The following CNTN4 variants were observed in gnomAD, a reference collection of about 807,000 sequenced individuals.
The protein encoded by CNTN4 is contactin-4.
CNTN4 carries 77 observed loss-of-function variants against 122.5 expected under a neutral mutation model. The ratio of observed to expected loss-of-function variants is 0.63; its 90% CI spans 0.52 to 0.76. The LOEUF is 0.76. Ranked by LOEUF, CNTN4 falls within the 30% of genes least tolerant of loss-of-function variation. The probability of loss-of-function intolerance (pLI) is 0.00; values close to 1 mark genes in which losing one functional copy is unlikely to be tolerated. For synonymous variants in CNTN4, 512 were observed against 447.0 expected, an observed-to-expected ratio of 1.15 and a Z score of -1.83; for missense variants, 1,256 against 1,259.1, an observed-to-expected ratio of 1.00 and a Z score of 0.04.
At chr3:2,764,488 G>C (rs1195617051) in intron 6 of CNTN4, among the ~76,000 whole-genome samples, 1 of 152,212 alleles carries the variant, frequency 6.6e-6, no homozygotes, top group Non-Finnish European at 1.5e-5. Flanking sequence ...GGAGGGCACA[G>C]AGCAAGGCTG....
At chr3:2,932,975 A>T (rs892020795) in intron 13 of CNTN4, among the ~76,000 whole-genome samples, 1 of 151,846 alleles carries the variant, frequency 6.6e-6, no homozygotes, top group Non-Finnish European at 1.5e-5. Context: ...GGCACCCACC[A>T]CTATGCCCGG....
chr3:2,258,364 C>T (rs768789674), intron 2 of CNTN4, among the ~76,000 whole-genome samples: 2 of 152,156 alleles, frequency 1.3e-5, no homozygotes, highest in Non-Finnish European at 2.9e-5. Context: ...CAGTGATAGA[C>T]TGGGCTTTCT....
intron 3 of CNTN4, among the ~76,000 whole-genome samples, chr3:2,466,871 A>G (rs944765851): frequency 6.6e-6 from 1 of 152,120 alleles, no homozygotes; most frequent in African/African-American, 2.4e-5. Flanking sequence ...TAATCATTGT[A>G]GAAAGTAGAG....
intron 14 of CNTN4, among the ~76,000 whole-genome samples, chr3:3,014,127 C>T (rs1474986738): frequency 6.6e-6 from 1 of 151,828 alleles, no homozygotes; most frequent in African/African-American, 2.4e-5. Flanking sequence ...GAAACTAACA[C>T]GTTTGTGGAA....
At chr3:2,380,911 A>G (rs893040853) in intron 3 of CNTN4, among the ~76,000 whole-genome samples, 6 of 151,448 alleles carry the variant, frequency 4.0e-5, no homozygotes, top group Non-Finnish European at 8.8e-5. Flanking sequence ...GTGTTTTTCT[A>G]TTTTCTGAAT....
intron 14 of CNTN4, among the ~76,000 whole-genome samples, chr3:3,023,733 G>A (rs1166329054): frequency 2.0e-5 from 3 of 152,120 alleles, no homozygotes; most frequent in African/African-American, 2.4e-5. Flanking sequence ...TACCTGACAC[G>A]TGCAGTGAAG....
At chr3:2,225,343 T>C (rs2039239193) in intron 2 of CNTN4, among the ~76,000 whole-genome samples, 1 of 150,946 alleles carries the variant, frequency 6.6e-6, no homozygotes, top group South Asian at 2.1e-4. Flanking sequence ...TGAAACCCCC[T>C]CTCTACTAAA....
At chr3:2,965,578 G>T (rs1577429183) in intron 13 of CNTN4, among the ~76,000 whole-genome samples, 1 of 152,156 alleles carries the variant, frequency 6.6e-6, no homozygotes, top group African/African-American at 2.4e-5. Context: ...GAACTTTTCT[G>T]CCTGGTTTCC....
At position 2,970,438 on chromosome 3, in the gene CNTN4, G is replaced by A. The variant is rs112019957; in HGVS notation, c.1359-17907G>A. Among the ~76,000 whole-genome samples, 742 of 150,946 alleles carry A rather than the reference G, an allele frequency of 4.9e-3. 3 individuals carry two copies. Among genetic ancestry groups the A allele is most frequent in the Non-Finnish European group, 7.7e-3 (521 of 67,578 alleles). ...ACTAGAATGCCTTAATGATAACACA[G>A]TTTATAAACACTTTTTTTTTTAATT... On this transcript the variant is annotated intron_variant, in intron 13 of 24. Transcript: ENST00000418658.
intron 13 of CNTN4, among the ~76,000 whole-genome samples, chr3:2,963,143 C>T (rs1391830241): frequency 6.6e-6 from 1 of 152,166 alleles, no homozygotes; most frequent in African/African-American, 2.4e-5. Context: ...AATTAATTTT[C>T]TCACCGTTTC....
intron 2 of CNTN4, among the ~76,000 whole-genome samples, chr3:2,324,597 C>T (rs996677273): frequency 6.6e-6 from 1 of 152,086 alleles, no homozygotes; most frequent in South Asian, 2.1e-4. Flanking sequence ...CTTTGTGTCC[C>T]AGATCTGTTT....
chr3:2,549,119 C>G (rs1386691881), intron 3 of CNTN4, among the ~76,000 whole-genome samples: 2 of 138,036 alleles, frequency 1.4e-5, no homozygotes, highest in Non-Finnish European at 3.4e-5. Context: ...GTCGGGTTTT[C>G]TAAATATACA....
At chr3:2,395,432 C>G (rs2046606144) in intron 3 of CNTN4, among the ~76,000 whole-genome samples, 1 of 152,110 alleles carries the variant, frequency 6.6e-6, no homozygotes, top group East Asian at 1.9e-4. Context: ...ATGGATTGAA[C>G]TATATACTTT....
chr3:2,995,213 A>G (rs1412474899), intron 14 of CNTN4, among the ~76,000 whole-genome samples: 1 of 152,076 alleles, frequency 6.6e-6, no homozygotes, highest in Non-Finnish European at 1.5e-5. Flanking sequence ...AAAGAAGGGT[A>G]GGTAATTGTG....
intron 6 of CNTN4, among the ~76,000 whole-genome samples, chr3:2,772,894 AAG>A (rs1366044099): frequency 6.6e-6 from 1 of 152,196 alleles, no homozygotes; most frequent in Admixed American, 6.5e-5. Context: ...AAAAGAGACT[AAG>A]AGGGAGGAAG....
chr3:3,056,098 T>G (rs865855323), intron 24 of CNTN4, 22 bp from the exon 25 acceptor site: 3 of 1,603,616 alleles, frequency 1.9e-6, no homozygotes, highest in Middle Eastern at 1.7e-4. Flanking sequence ...CTGTTTTGAG[T>G]GAATTTGTTC....
chr3:2,930,542 G>A (rs1405506286), intron 13 of CNTN4, among the ~76,000 whole-genome samples: 1 of 152,172 alleles, frequency 6.6e-6, no homozygotes, highest in Non-Finnish European at 1.5e-5. Flanking sequence ...AGTAAATAAA[G>A]TCTTCTTATT....
At chr3:2,399,114 A>G (rs542732114) in intron 3 of CNTN4, among the ~76,000 whole-genome samples, 53 of 152,088 alleles carry the variant, frequency 3.5e-4, no homozygotes, top group Non-Finnish European at 6.2e-4. Flanking sequence ...AAAAGAAAGA[A>G]AAGAGAAAAA....
chr3:2,743,100 C>A (rs930052329), intron 5 of CNTN4, among the ~76,000 whole-genome samples: 1 of 152,174 alleles, frequency 6.6e-6, no homozygotes, highest in African/African-American at 2.4e-5. Context: ...ATTATGCCCA[C>A]AACCACTTTT....
Sources: allele counts gnomAD v4.1 joint callset (sites outside exome capture counted in the v4.1 genomes callset), GRCh38; gene constraint gnomAD v4.1.1; transcripts MANE v1.5; gene names NCBI Gene and HGNC (gene_info 2026-07-23, HGNC 2026-07-21).